The following TTYH1 variants were observed in gnomAD, a reference collection of about 807,000 sequenced individuals.
The protein encoded by TTYH1 is tweety family member 1, also known as protein tweety homolog 1.
Under a neutral mutation model 61.2 loss-of-function variants are expected in TTYH1, and 33 were observed. The ratio of observed to expected loss-of-function variants is 0.54; its 90% CI spans 0.41 to 0.72. The LOEUF (loss-of-function observed/expected upper bound fraction) is 0.72. TTYH1 is among the 30% of genes least tolerant of loss of function. TTYH1 has a pLI of 0.00. For missense variants in TTYH1, 538 were observed against 575.8 expected (o/e 0.93, Z 0.67); for synonymous variants, 308 against 266.4 (o/e 1.16, Z -1.52).
chr19:54,425,431 C>A (rs1419474020), intron 4 of TTYH1, among the ~76,000 whole-genome samples: 1 of 152,202 alleles, frequency 6.6e-6, no homozygotes, highest in African/African-American at 2.4e-5. Flanking sequence ...AGATCATTGT[C>A]CCTTCCCCTG....
At chr19:54,435,984 G>C in intron 12 of TTYH1, 107 bp from the exon 13 acceptor site, 7 of 1,575,602 alleles carry the variant, frequency 4.4e-6, no homozygotes, top group Non-Finnish European at 6.1e-6. Context: ...GGAGGGGCTG[G>C]GGCCCGGACT....
intron 10 of TTYH1, chr19:54,431,724 G>A (rs2083448947): frequency 1.3e-5 from 2 of 157,336 alleles, no homozygotes; most frequent in African/African-American, 2.4e-5. Flanking sequence ...GACAGGCAGG[G>A]GTGGGCAGGG....
chr19:54,428,733 C>T (rs1231582161), intron 5 of TTYH1, among the ~76,000 whole-genome samples: 1 of 152,086 alleles, frequency 6.6e-6, no homozygotes, highest in Non-Finnish European at 1.5e-5. Flanking sequence ...GGAGAGACCC[C>T]GCGTAAGGCT....
In TTYH1 at chr19:54,426,237, C is replaced by T. The variant is rs539933587; in HGVS notation, c.639-436C>T. ...GACAAGAGTTACCCGGCCAGTTAAG[C>T]GGAGGGGCTGGGGTTGAGACCAGGC... On this transcript the variant is annotated intron_variant, in intron 4 of 13. Transcript: ENST00000376530. Among the ~76,000 whole-genome samples the T allele has an allele frequency of 5.3e-5, 8 of 152,214 alleles. No individual in the cohort carries two copies. In the South Asian group the frequency reaches 8.3e-4, roughly 16 times the overall value.
rs544145812 is a variant in TTYH1, at chr19:54,429,691, C to T, written c.808-191C>T. Among the ~76,000 whole-genome samples the T allele has an allele frequency of 4.7e-5, 7 of 150,212 alleles. No individual in the cohort carries two copies. The South Asian group carries it at 1.3e-3, about 27-fold the overall frequency. On this transcript the variant is annotated intron_variant, in intron 6 of 13. Coordinates refer to ENST00000376530, the MANE Select transcript of TTYH1 (RefSeq NM_020659.4). The surrounding 1 kb of genome is among the most constrained non-coding windows in gnomAD (Gnocchi z 5.1). ...ACTCCTGAGTCTGAGGGAGAAAGGG[C>T]TGGAGAGTCTGAACCCCTGAGTCTG...
intron 9 of TTYH1, 86 bp downstream of exon 9, chr19:54,430,991 TG>T (rs1443693779): frequency 1.4e-6 from 2 of 1,474,684 alleles, no homozygotes; most frequent in African/African-American, 3.2e-5. Context: ...TAGGCGGGGC[TG>T]CAGAGCTAGG....
At chr19:54,423,893 T>C (rs2083269527) in intron 4 of TTYH1, among the ~76,000 whole-genome samples, 1 of 152,102 alleles carries the variant, frequency 6.6e-6, no homozygotes, top group Non-Finnish European at 1.5e-5. Flanking sequence ...CCAGGCACGG[T>C]GGTTCACGCC....
Position 54,432,914 on chromosome 19 carries a change from G to A in TTYH1, c.1125+1723G>A, listed in dbSNP as rs1342497881. The A allele has an allele frequency of 1.3e-5, 2 of 152,180 alleles. 1 individual carries two copies. The highest frequency in any genetic ancestry group is 3.9e-4 in the East Asian group (2 of 5,188). 9.4% of individuals were successfully genotyped at this position (152,180 alleles called of 1,614,324 possible). ...GGTCTGGCTCAGACAGACCCCTTCT[G>A]TGGCTCCCACTGCCTCCCACCCTTC... On this transcript the variant is annotated intron_variant, in intron 10 of 13. Coordinates refer to ENST00000376530, the MANE Select transcript of TTYH1 (RefSeq NM_020659.4).
rs2083230310 is a variant in TTYH1 at position 54,422,175 on chromosome 19, CT to C, written c.418-14del. The C allele has an allele frequency of 1.3e-6, 2 of 1,545,820 alleles. No homozygotes were observed. Among genetic ancestry groups the C allele is most frequent in the Non-Finnish European group, 1.7e-6 (2 of 1,143,114 alleles). ...AGGATGTCCTTCCAGACCTCAGCCCCTGTCCTATCCCCAGGTGTTGGAGACG... is the reference window on the plus strand; with the variant it reads ...AGGATGTCCTTCCAGACCTCAGCCCCGTCCTATCCCCAGGTGTTGGAGACG... On this transcript the variant is annotated splice_polypyrimidine_tract_variant and intron_variant, in intron 3 of 13. Transcript: ENST00000376530.
rs1244397193 is a variant in TTYH1 at position 54,422,196 on chromosome 19, G to C, written c.424G>C (p.Glu142Gln). Residue 142 changes from glutamate (E) to glutamine (Q), a missense_variant, in exon 4 of 14, where the codon GAG (glutamate) becomes CAG (glutamine). Glu to Gln is a conservative substitution (Grantham distance 29, BLOSUM62 2). This residue lies in a region of TTYH1 where 378 missense variants were observed against 401.2 expected (regional missense o/e 0.94). Transcript: ENST00000376530. ...GCCCCTGTCCTATCCCCAGGTGTTGGAGACGGTGGAGAGGCTGGGCGAGGC... is the reference window on the plus strand; with the variant it reads ...GCCCCTGTCCTATCCCCAGGTGTTGCAGACGGTGGAGAGGCTGGGCGAGGC... The part of the protein sequence containing the change: ...TLSTIDHLVL[E>Q]TVERLGEAVR... The C allele has an allele frequency of 6.4e-7, 1 of 1,560,660 alleles. No homozygotes were observed. The highest frequency in any genetic ancestry group is 1.9e-5 in the Admixed American group (1 of 51,494).
intron 4 of TTYH1, among the ~76,000 whole-genome samples, 158 bp downstream of exon 4, chr19:54,422,568 A>G (rs1486469262): frequency 6.6e-6 from 1 of 151,978 alleles, no homozygotes; most frequent in Non-Finnish European, 1.5e-5. Context: ...ACTGTTCAAC[A>G]CCCTGCAATG....
In TTYH1 at chr19:54,435,522, T is replaced by G. The variant is rs1160454615; in HGVS notation, c.1126-20T>G. The G allele has an allele frequency of 6.3e-7, 1 of 1,576,364 alleles. No homozygotes were observed. The stretch of plus-strand genomic sequence containing the variant: ...GGGGAGGGGGTGGGGACGCATGGCC[T>G]GATGACGCCCTCCCCTCAGGACTAT... On this transcript the variant is annotated intron_variant, in intron 10 of 13. Coordinates refer to ENST00000376530, the MANE Select transcript of TTYH1 (RefSeq NM_020659.4).
At chr19:54,435,413 A>G (rs1055383764) in intron 10 of TTYH1, 129 bp from the exon 11 acceptor site, 1 of 1,175,640 alleles carries the variant, frequency 8.5e-7, no homozygotes, top group Non-Finnish European at 1.2e-6. Flanking sequence ...GACAGGGGAA[A>G]CTGAGGCACA....
intron 7 of TTYH1, 39 bp from the exon 8 acceptor site, chr19:54,430,511 A>T: frequency 6.2e-7 from 1 of 1,609,624 alleles, no homozygotes; most frequent in South Asian, 1.1e-5. Context: ...CTGGGGGCCC[A>T]GGCTCATGGC....
At chr19:54,417,868 C>A (rs2083121512) in intron 1 of TTYH1, among the ~76,000 whole-genome samples, 1 of 152,122 alleles carries the variant, frequency 6.6e-6, no homozygotes. Flanking sequence ...CCAGAACACA[C>A]AAATGCCCAC....
intron 10 of TTYH1, chr19:54,435,066 T>C (rs1252662402): frequency 6.5e-6 from 1 of 153,890 alleles, no homozygotes; most frequent in East Asian, 1.9e-4. Context: ...GAGCTGGCGG[T>C]GGCTGGCCTG....
In TTYH1 at chr19:54,415,569, G is replaced by T. The variant is rs1212457619; in HGVS notation, c.17G>T (p.Gly6Val). The T allele has an allele frequency of 3.4e-6, 5 of 1,489,198 alleles. No homozygotes were observed. In the South Asian group the frequency reaches 6.4e-5, roughly 19 times the overall value. The allele number at this position is 1,489,198 out of a possible 1,614,324, so 92.2% of individuals were successfully genotyped here. A position where few individuals can be genotyped will look rare whatever the true frequency, so the allele number is the denominator to read the frequency against. MGAPP[G>V]YRPSAWVHLL... ...CCGGGGGCCATGGGGGCGCCCCCGG[G>T]CTACCGGCCCTCAGCTTGGGTGCAT... is the stretch of plus-strand genomic sequence containing the variant. The change falls in exon 1 of 14, where the codon GGC (glycine) becomes GTC (valine). Residue 6 changes from glycine to valine, a missense_variant. Around this residue, in one of 3 missense-constraint regions of TTYH1, gnomAD observed 157 missense variants for 157.0 expected, o/e 1.00. Transcript: ENST00000376530. The surrounding 1 kb of genome is among the most constrained non-coding windows in gnomAD (Gnocchi z 5.2).
chr19:54,427,555 G>T (rs948161747), intron 5 of TTYH1, among the ~76,000 whole-genome samples: 2 of 151,390 alleles, frequency 1.3e-5, no homozygotes, highest in African/African-American at 4.9e-5. Context: ...AGTGAGCTGA[G>T]ATTGCACCAC....
chr19:54,417,049 C>T (rs1221480387), intron 1 of TTYH1: 1 of 763,716 alleles, frequency 1.3e-6, no homozygotes, highest in Non-Finnish European at 1.8e-6. Context: ...GACGCGACCA[C>T]CGTGGGTACA....
Sources: allele counts gnomAD v4.1 joint callset (sites outside exome capture counted in the v4.1 genomes callset), GRCh38; gene constraint gnomAD v4.1.1; regional missense constraint gnomAD v4.1.1; non-coding constraint Gnocchi (gnomAD v3.1); transcripts MANE v1.5; gene names NCBI Gene and HGNC (gene_info 2026-07-23, HGNC 2026-07-21).